Variants in LHFPL2 observed in about 807,000 individuals in gnomAD.
The protein encoded by LHFPL2 is LHFPL tetraspan subfamily member 2.
Under a neutral mutation model 17.5 loss-of-function variants are expected in LHFPL2, and 7 were observed. The observed-to-expected ratio is 0.40, with a 90% CI of 0.23 to 0.75. The LOEUF is 0.75. Among genes scored for constraint, LHFPL2 ranks in the 30% least tolerant of loss-of-function variants. The pLI is 0.37. For synonymous variants in LHFPL2, 134 were observed against 116.2 expected (o/e 1.15, Z -0.99); for missense variants, 241 against 294.8 (o/e 0.82, Z 1.34).
At chr5:78,549,491 T>C (rs1439777341) in intron 3 of LHFPL2, among the ~76,000 whole-genome samples, 1 of 152,192 alleles carries the variant, frequency 6.6e-6, no homozygotes, top group African/African-American at 2.4e-5. Flanking sequence ...TTATAGGAGT[T>C]CTGGGGCAGG....
intron 2 of LHFPL2, among the ~76,000 whole-genome samples, chr5:78,574,714 T>C (rs538783938): frequency 3.3e-5 from 5 of 152,384 alleles, no homozygotes; most frequent in Non-Finnish European, 7.3e-5. Context: ...GATTTTTCTG[T>C]GCTAACAGGT....
Position 78,589,587 on chromosome 5 carries a change from C to A in LHFPL2, c.-244-24716G>T, listed in dbSNP as rs182226867. Among the ~76,000 whole-genome samples the A allele has an allele frequency of 2.7e-3, 415 of 152,262 alleles. 2 individuals are homozygous for A. The highest frequency in any genetic ancestry group is 6.8e-3 in the Middle Eastern group (2 of 294). On this transcript the variant is annotated intron_variant, in intron 2 of 4. Coordinates refer to ENST00000380345, the MANE Select transcript of LHFPL2 (RefSeq NM_005779.3). ...GTGAGGACAGTTCAAATGGTGTCTACTCTTGCCCGCCTTTCCCTGTCCCTC... is the reference window on the plus strand; with the variant it reads ...GTGAGGACAGTTCAAATGGTGTCTAATCTTGCCCGCCTTTCCCTGTCCCTC...
chr5:78,493,508 G>A (rs1754513754), intron 4 of LHFPL2, among the ~76,000 whole-genome samples: 1 of 152,218 alleles, frequency 6.6e-6, no homozygotes, highest in East Asian at 1.9e-4. Flanking sequence ...GGATTTTTGT[G>A]TATTTAGTTT....
intron 2 of LHFPL2, among the ~76,000 whole-genome samples, chr5:78,598,713 T>C (rs1245358312): frequency 6.6e-6 from 1 of 152,158 alleles, no homozygotes; most frequent in Non-Finnish European, 1.5e-5. Context: ...TCCAACAAAA[T>C]AGATCTCATG....
chr5:78,554,334 A>G (rs1042972986), intron 3 of LHFPL2, among the ~76,000 whole-genome samples: 1 of 152,262 alleles, frequency 6.6e-6, no homozygotes, highest in East Asian at 1.9e-4. Context: ...AGTTAACGAC[A>G]GAGAGGAGTT....
chr5:78,622,778 C>T (rs1354624055), intron 2 of LHFPL2, among the ~76,000 whole-genome samples: 1 of 152,198 alleles, frequency 6.6e-6, no homozygotes, highest in Non-Finnish European at 1.5e-5. Flanking sequence ...ACAGAAAAGG[C>T]ATGCTCTTTA....
At chr5:78,645,979 T>C (rs890529193) in intron 1 of LHFPL2, among the ~76,000 whole-genome samples, 4 of 152,236 alleles carry the variant, frequency 2.6e-5, no homozygotes, top group Non-Finnish European at 4.4e-5. Context: ...GGTAAAATGT[T>C]GCTTTTAAGA....
chr5:78,636,154 C>T (rs944046130), intron 1 of LHFPL2, among the ~76,000 whole-genome samples: 6 of 152,160 alleles, frequency 3.9e-5, no homozygotes, highest in Non-Finnish European at 7.4e-5. Flanking sequence ...CCTGCTCTGC[C>T]CTCCTTGAAG....
chr5:78,634,293 C>T (rs557468575), intron 1 of LHFPL2, among the ~76,000 whole-genome samples: 74 of 152,302 alleles, frequency 4.9e-4, no homozygotes, highest in African/African-American at 1.6e-3. Flanking sequence ...CAGGGCCTGC[C>T]CCCAACACCA....
At chr5:78,559,067 C>T (rs1430011067) in intron 3 of LHFPL2, among the ~76,000 whole-genome samples, 1 of 152,208 alleles carries the variant, frequency 6.6e-6, no homozygotes, top group Admixed American at 6.5e-5. Context: ...CCCTACTCTC[C>T]CAAACTTCCC....
In LHFPL2 at chr5:78,486,082, A is replaced by G. The variant is rs570126747; in HGVS notation, c.*2815T>C. The G allele has an allele frequency of 2.6e-5, 4 of 152,632 alleles. No homozygotes were observed. The East Asian group carries it at 7.7e-4, about 29-fold the overall frequency. 9.5% of individuals were successfully genotyped at this position (152,632 alleles called of 1,614,324 possible). A position where few individuals can be genotyped will look rare whatever the true frequency, so the allele number is the denominator to read the frequency against. On this transcript the variant is annotated 3_prime_UTR_variant, in exon 5 of 5. Coordinates refer to ENST00000380345, the MANE Select transcript of LHFPL2 (RefSeq NM_005779.3). ...TTTCACACAAACTTGTGTATGTATAATATACATATATATTTTTAAATATGC... is the reference window on the plus strand; with the variant it reads ...TTTCACACAAACTTGTGTATGTATAGTATACATATATATTTTTAAATATGC...
At chr5:78,509,650 G>T in intron 4 of LHFPL2, 134 bp downstream of exon 4, 2 of 889,204 alleles carry the variant, frequency 2.2e-6, no homozygotes, top group Non-Finnish European at 1.7e-6. Flanking sequence ...AACGGAAGGG[G>T]CAAAGGAAAC....
intron 2 of LHFPL2, among the ~76,000 whole-genome samples, chr5:78,579,004 G>C (rs964001948): frequency 3.9e-5 from 6 of 152,186 alleles, no homozygotes; most frequent in African/African-American, 9.7e-5. Context: ...CTGTGGTTGA[G>C]GTAGGCCCTT....
At chr5:78,608,565 A>G (rs1580853853) in intron 2 of LHFPL2, among the ~76,000 whole-genome samples, 1 of 150,054 alleles carries the variant, frequency 6.7e-6, no homozygotes, top group Non-Finnish European at 1.5e-5. Context: ...CTTCTCCCTA[A>G]TTAGCGATCT....
intron 2 of LHFPL2, among the ~76,000 whole-genome samples, chr5:78,626,937 C>T (rs1014409501): frequency 6.6e-6 from 1 of 151,810 alleles, no homozygotes; most frequent in Admixed American, 6.6e-5. Flanking sequence ...AAAAATTGGC[C>T]GGGCATGGTG....
chr5:78,488,766 C>G lies in LHFPL2; in HGVS notation c.*131G>C. On this transcript the variant is annotated 3_prime_UTR_variant, in exon 5 of 5. Transcript: ENST00000380345. ...AGCTGGATGTGGCCTCTCATTGGTC[C>G]TGTTTAAGCCTCGGGCCGTGGAACG... The G allele has an allele frequency of 1.0e-6, 1 of 993,828 alleles. No individual in the cohort carries two copies. The highest frequency in any genetic ancestry group is 1.5e-6 in the Non-Finnish European group (1 of 661,480). The allele number at this position is 993,828 out of a possible 1,614,324, so 61.6% of individuals were successfully genotyped here.
At chr5:78,604,534 A>T (rs1454862499) in intron 2 of LHFPL2, among the ~76,000 whole-genome samples, 7 of 152,294 alleles carry the variant, frequency 4.6e-5, no homozygotes. Flanking sequence ...TGAGAATTCA[A>T]TCTGCTATAG....
At chr5:78,579,088 C>T (rs1391092684) in intron 2 of LHFPL2, among the ~76,000 whole-genome samples, 1 of 152,108 alleles carries the variant, frequency 6.6e-6, no homozygotes, top group South Asian at 2.1e-4. Context: ...ATTTCCTCCA[C>T]CTTTTAGAAT....
At chr5:78,528,796 CAATA>C (rs1755695999) in intron 3 of LHFPL2, among the ~76,000 whole-genome samples, 1 of 152,122 alleles carries the variant, frequency 6.6e-6, no homozygotes, top group African/African-American at 2.4e-5. Context: ...TTAAGTGTAT[CAATA>C]AATATAGAGC....
Sources: allele counts gnomAD v4.1 joint callset (sites outside exome capture counted in the v4.1 genomes callset), GRCh38; gene constraint gnomAD v4.1.1; transcripts MANE v1.5; gene names NCBI Gene and HGNC (gene_info 2026-07-23, HGNC 2026-07-21).